MAP4: variants seen among roughly 807,000 people sequenced by gnomAD.
MAP4 encodes microtubule-associated protein 4.
A neutral mutation model predicts 170.2 loss-of-function variants in MAP4; 76 were observed. The ratio of observed to expected loss-of-function variants is 0.45; its 90% CI spans 0.37 to 0.54. MAP4 has a LOEUF of 0.54. Among genes scored for constraint, MAP4 ranks in the 20% least tolerant of loss-of-function variants. The pLI is 0.00. For synonymous variants in MAP4, 909 were observed against 994.5 expected (o/e 0.91, Z 1.62); for missense variants, 2,506 against 2,748.0 (o/e 0.91, Z 1.97).
intron 1 of MAP4, among the ~76,000 whole-genome samples, chr3:48,001,771 G>C (rs1008767811): frequency 6.6e-6 from 1 of 152,184 alleles, no homozygotes; most frequent in African/African-American, 2.4e-5. Context: ...AAAGTGCCAG[G>C]ATTACAGGTG....
In MAP4 at chr3:47,909,575, C is replaced by T. The variant is rs772467817; in HGVS notation, c.4846G>A (p.Gly1616Arg). Residue 1616 changes from glycine to arginine, a missense_variant, in exon 9 of 21, where the codon GGG (glycine) becomes AGG (arginine). Physicochemically the swap from Gly to Arg is moderately radical, Grantham distance 125 (BLOSUM62 -2). Coordinates refer to ENST00000683076, the MANE Select transcript of MAP4 (RefSeq NM_001385682.1). ...TCAGGAATCTGAACTGCAACAGACC[C>T]TTCTTTAGTCTCTTTCTCTTCATTC... ...PVNEEKETKE[G>R]SVAVQIPDLL... The T allele has an allele frequency of 1.2e-6, 2 of 1,612,632 alleles. No homozygotes were observed. The highest frequency in any genetic ancestry group is 1.3e-5 in the African/African-American group (1 of 74,940).
intron 1 of MAP4, among the ~76,000 whole-genome samples, chr3:48,071,156 C>T (rs899123576): frequency 7.9e-5 from 12 of 152,122 alleles, no homozygotes; most frequent in African/African-American, 2.9e-4. Flanking sequence ...TCAGATACTG[C>T]CCTTTAACTG....
chr3:47,866,356 A>C (rs552764066), intron 17 of MAP4, among the ~76,000 whole-genome samples: 141 of 151,456 alleles, frequency 9.3e-4, no homozygotes, highest in African/African-American at 3.4e-3. Flanking sequence ...CAAAACAAAC[A>C]AACAAACAAA....
intron 1 of MAP4, among the ~76,000 whole-genome samples, chr3:48,056,582 C>T (rs1287626355): frequency 1.8e-5 from 2 of 112,274 alleles, no homozygotes; most frequent in Admixed American, 7.8e-5. Context: ...AGGAGCCCCT[C>T]AGCCCCGCCA....
intron 1 of MAP4, among the ~76,000 whole-genome samples, chr3:48,027,715 GT>G (rs2100113841): frequency 6.6e-6 from 1 of 152,070 alleles, no homozygotes; most frequent in Admixed American, 6.6e-5. Context: ...GCATGCACCT[GT>G]GGTTCCAGCT....
At chr3:47,860,481 A>G (rs1009999218) in intron 17 of MAP4, among the ~76,000 whole-genome samples, 4 of 152,250 alleles carry the variant, frequency 2.6e-5, no homozygotes, top group African/African-American at 4.8e-5. Flanking sequence ...AGTGTGAGCC[A>G]CTGCATCGGC....
At chr3:48,056,144 G>A (rs1428593846) in intron 1 of MAP4, among the ~76,000 whole-genome samples, 35 of 141,694 alleles carry the variant, frequency 2.5e-4, no homozygotes, top group Middle Eastern at 4.0e-3. Context: ...CCGGCCAGCC[G>A]CCCCATCCGG....
chr3:48,081,371 T>C (rs147886469), intron 1 of MAP4, among the ~76,000 whole-genome samples: 1 of 152,184 alleles, frequency 6.6e-6, no homozygotes, highest in East Asian at 1.9e-4. Context: ...ACTTCCTGTT[T>C]GGCCAAGGGT....
chr3:48,014,452 G>C (rs2100106802), intron 1 of MAP4, among the ~76,000 whole-genome samples: 2 of 152,122 alleles, frequency 1.3e-5, no homozygotes. Context: ...CTCATGAAAA[G>C]CTAGAACAGA....
At chr3:47,928,374 A>C in intron 3 of MAP4, 24 bp from the exon 4 acceptor site, 1 of 1,612,808 alleles carries the variant, frequency 6.2e-7, no homozygotes, top group Non-Finnish European at 8.5e-7. Context: ...CACAAAACAA[A>C]AGTTACAAGA....
chr3:47,949,588 T>C (rs766271902), intron 3 of MAP4, among the ~76,000 whole-genome samples: 16 of 152,066 alleles, frequency 1.1e-4, no homozygotes, highest in Non-Finnish European at 1.6e-4. Context: ...GCTCTACTTA[T>C]GCTGGCTAAA....
chr3:47,953,303 G>A (rs1399220650), intron 3 of MAP4, among the ~76,000 whole-genome samples: 1 of 152,010 alleles, frequency 6.6e-6, no homozygotes, highest in Non-Finnish European at 1.5e-5. Flanking sequence ...AAGGTAGGAG[G>A]CTTGAGCCCA....
rs575486862 is a variant in MAP4, at chr3:47,989,298, G to C, written c.223+9340C>G. ...AATAAAAATAAAAGTGAGATTAGAA[G>C]ATCTGGGTTCAGGTTGTGCTGTCAT... On this transcript the variant is annotated intron_variant, in intron 2 of 20. Transcript: ENST00000683076. Among the ~76,000 whole-genome samples, 32 of 152,288 alleles carry C rather than the reference G, an allele frequency of 2.1e-4. 2 individuals are homozygous for C. In the South Asian group the frequency reaches 6.4e-3, roughly 31 times the overall value.
intron 1 of MAP4, among the ~76,000 whole-genome samples, chr3:48,009,110 T>C (rs2100103937): frequency 6.6e-6 from 1 of 152,104 alleles, no homozygotes; most frequent in South Asian, 2.1e-4. Context: ...TTGTTGTTGT[T>C]GTTGTTTTGA....
At chr3:47,879,219 A>AG (rs1559872936) in intron 10 of MAP4, among the ~76,000 whole-genome samples, 1 of 151,822 alleles carries the variant, frequency 6.6e-6, no homozygotes, top group African/African-American at 2.4e-5. Flanking sequence ...TATGATTACT[A>AG]TGCAATGGTC....
At chr3:48,000,581 A>G (rs1315879850) in intron 1 of MAP4, among the ~76,000 whole-genome samples, 2 of 152,198 alleles carry the variant, frequency 1.3e-5, no homozygotes, top group African/African-American at 4.8e-5. Context: ...GGAAAGGATC[A>G]TTTATTGACT....
chr3:47,887,054 G>A (rs2097708061), intron 10 of MAP4, among the ~76,000 whole-genome samples: 1 of 152,356 alleles, frequency 6.6e-6, no homozygotes, highest in East Asian at 1.9e-4. Flanking sequence ...GCAGTCCTCA[G>A]AGCCCTCGCT....
chr3:47,953,348 C>T (rs1426355837), intron 3 of MAP4, among the ~76,000 whole-genome samples: 1 of 151,932 alleles, frequency 6.6e-6, no homozygotes, highest in Non-Finnish European at 1.5e-5. Flanking sequence ...CACACAGAGA[C>T]CCCATCTCCA....
intron 3 of MAP4, among the ~76,000 whole-genome samples, chr3:47,972,323 T>C (rs760713098): frequency 2.0e-5 from 3 of 152,208 alleles, no homozygotes; most frequent in Non-Finnish European, 2.9e-5. Context: ...ATGTAGTAAA[T>C]TTTATCTGAT....
Sources: allele counts gnomAD v4.1 joint callset (sites outside exome capture counted in the v4.1 genomes callset), GRCh38; gene constraint gnomAD v4.1.1; transcripts MANE v1.5; gene names NCBI Gene and HGNC (gene_info 2026-07-23, HGNC 2026-07-21).